PTPDC1: variants seen among roughly 807,000 people sequenced by gnomAD.
PTPDC1 encodes the protein protein tyrosine phosphatase domain containing 1.
A neutral mutation model predicts 75.3 loss-of-function variants in PTPDC1; 53 were observed. The observed-to-expected ratio is 0.70, with a 90% CI of 0.56 to 0.88. PTPDC1 has a LOEUF of 0.88. PTPDC1 is among the 40% of genes least tolerant of loss of function. The pLI, the probability that PTPDC1 is intolerant of heterozygous loss-of-function variation, is 0.00. For missense variants in PTPDC1, 925 were observed against 998.6 expected (o/e 0.93, Z 0.99); for synonymous variants, 349 against 366.2 (o/e 0.95, Z 0.54).
At chr9:94,037,917 A>G (rs1296455419) in intron 1 of PTPDC1, 3 of 224,478 alleles carry the variant, frequency 1.3e-5, no homozygotes, top group African/African-American at 7.0e-5. Context: ...AGAATGATCT[A>G]CTGTTAATGT....
At chr9:94,051,370 C>G (rs1452124359) in intron 1 of PTPDC1, among the ~76,000 whole-genome samples, 1 of 152,110 alleles carries the variant, frequency 6.6e-6, no homozygotes, top group Non-Finnish European at 1.5e-5. Flanking sequence ...CTTTAAGTCT[C>G]TCACTATTAA....
At chr9:94,076,920 C>T (rs1169240443) in intron 2 of PTPDC1, among the ~76,000 whole-genome samples, 4 of 152,040 alleles carry the variant, frequency 2.6e-5, no homozygotes, top group Admixed American at 6.6e-5. Context: ...ATATGCATTT[C>T]CCTAATGACT....
At chr9:94,084,349 G>A, upstream of PTPDC1, 1 of 801,318 alleles carries the variant, frequency 1.2e-6, no homozygotes, top group East Asian at 3.1e-5. Flanking sequence ...ATTGGATTTT[G>A]CCTGTTCAGA....
At chr9:94,067,647 G>C (rs1826357421) in intron 2 of PTPDC1, among the ~76,000 whole-genome samples, 1 of 152,006 alleles carries the variant, frequency 6.6e-6, no homozygotes. Flanking sequence ...TGTCTCCCAG[G>C]CTGGAGTGCA....
At chr9:94,102,024 T>G (rs1214183727) in intron 7 of PTPDC1, among the ~76,000 whole-genome samples, 1 of 152,218 alleles carries the variant, frequency 6.6e-6, no homozygotes, top group Non-Finnish European at 1.5e-5. Flanking sequence ...ATTAACTTGT[T>G]AAAAATCATT....
chr9:94,103,773 A>G (rs1159634654), intron 7 of PTPDC1, among the ~76,000 whole-genome samples: 1 of 152,154 alleles, frequency 6.6e-6, no homozygotes, highest in Non-Finnish European at 1.5e-5. Context: ...GTTGGAGGCT[A>G]AGCACTTAAG....
At chr9:94,064,247 C>T (rs1826227173) in intron 1 of PTPDC1, among the ~76,000 whole-genome samples, 1 of 152,134 alleles carries the variant, frequency 6.6e-6, no homozygotes. Flanking sequence ...GATTAACTAC[C>T]ACCCTACTAC....
intron 5 of PTPDC1, among the ~76,000 whole-genome samples, chr9:94,096,592 T>C (rs1292088823): frequency 2.0e-5 from 3 of 152,210 alleles, no homozygotes; most frequent in Non-Finnish European, 4.4e-5. Context: ...TTACTAGTTA[T>C]TCCTTTTAAT....
intron 2 of PTPDC1, 54 bp downstream of exon 2, chr9:94,085,476 T>C: frequency 6.3e-7 from 1 of 1,590,026 alleles, no homozygotes; most frequent in Non-Finnish European, 8.6e-7. Context: ...AAGGACACTC[T>C]GTGTGAGCCA....
At chr9:94,086,367 A>G (rs1480384419) in intron 2 of PTPDC1, among the ~76,000 whole-genome samples, 1 of 152,228 alleles carries the variant, frequency 6.6e-6, no homozygotes, top group Non-Finnish European at 1.5e-5. Context: ...ATTGCTGACT[A>G]AATCATGTGA....
At chr9:94,062,220 G>T (rs1826164671) in intron 1 of PTPDC1, among the ~76,000 whole-genome samples, 1 of 152,140 alleles carries the variant, frequency 6.6e-6, no homozygotes, top group African/African-American at 2.4e-5. Context: ...CTTTGCCAAG[G>T]TTTAACAAAA....
intron 4 of PTPDC1, among the ~76,000 whole-genome samples, chr9:94,094,612 G>C (rs907123238): frequency 6.6e-6 from 1 of 152,272 alleles, no homozygotes; most frequent in East Asian, 1.9e-4. Context: ...CACCCAGTTC[G>C]AGCTTCCCGG....
intron 6 of PTPDC1, 27 bp from the exon 7 acceptor site, chr9:94,101,539 T>G: frequency 6.3e-7 from 1 of 1,578,012 alleles, no homozygotes; most frequent in Non-Finnish European, 8.7e-7. Flanking sequence ...TGTCTCTGTC[T>G]GTCTGTCTCT....
intron 5 of PTPDC1, among the ~76,000 whole-genome samples, chr9:94,095,945 T>C (rs962491889): frequency 6.6e-6 from 1 of 152,226 alleles, no homozygotes; most frequent in Non-Finnish European, 1.5e-5. Flanking sequence ...TTGCTACATT[T>C]AGTAAGTGCC....
At chr9:94,089,182 A>C in intron 4 of PTPDC1, among the ~76,000 whole-genome samples, 2 of 139,276 alleles carry the variant, frequency 1.4e-5, no homozygotes, top group Non-Finnish European at 1.6e-5. Context: ...GCACCCACTA[A>C]CTCGTCATCT....
intron 2 of PTPDC1, among the ~76,000 whole-genome samples, chr9:94,078,864 A>G (rs961396934): frequency 6.6e-6 from 1 of 152,160 alleles, no homozygotes; most frequent in Non-Finnish European, 1.5e-5. Context: ...TCTGTATCTG[A>G]TGAAAGAAAC....
chr9:94,077,607 C>T (rs1201928305), intron 2 of PTPDC1, among the ~76,000 whole-genome samples: 1 of 152,190 alleles, frequency 6.6e-6, no homozygotes, highest in African/African-American at 2.4e-5. Context: ...GGAAGAGGCA[C>T]AGAGCATCCA....
chr9:94,101,797 A>C (rs1392777848), intron 7 of PTPDC1, 46 bp downstream of exon 7: 1 of 1,096,812 alleles, frequency 9.1e-7, no homozygotes, highest in East Asian at 2.7e-5. Context: ...TGAGGCCCTT[A>C]GTTTTTCACG....
chr9:94,042,828 G>C lies in PTPDC1; in HGVS notation c.-7+11701G>C, dbSNP rs571258436. Among the ~76,000 whole-genome samples the C allele has an allele frequency of 1.3e-5, 2 of 152,268 alleles. 1 individual carries two copies. The highest frequency in any genetic ancestry group is 4.1e-4 in the South Asian group (2 of 4,824). ...ACTGGAGTCAGTCCTCTTAAACCCT[G>C]CCACTGCTTTATCAACCAAGTTTAA... On this transcript the variant is annotated intron_variant, in intron 1 of 9. Transcript: ENST00000375360.
Sources: gnomAD v4.1 joint callset for allele counts (sites outside exome capture counted in the v4.1 genomes callset) on GRCh38, gnomAD v4.1.1 for gene constraint, MANE v1.5 for transcripts, NCBI Gene and HGNC (gene_info 2026-07-23, HGNC 2026-07-21) for gene names.